Variants in ARMH3 observed in about 807,000 individuals in gnomAD.
The protein encoded by ARMH3 is armadillo-like helical domain-containing protein 3.
ARMH3 carries 60 observed loss-of-function variants against 99.1 expected under a neutral mutation model. That is an observed-to-expected ratio of 0.61 (90% CI 0.49 to 0.75). The LOEUF (loss-of-function observed/expected upper bound fraction) is 0.75. Ranked by LOEUF, ARMH3 falls within the 30% of genes least tolerant of loss-of-function variation. ARMH3 has a pLI of 0.00. For synonymous variants in ARMH3, 285 were observed against 292.8 expected (o/e 0.97, Z 0.27); for missense variants, 679 against 843.1 (o/e 0.81, Z 2.41).
At chr10:101,917,469 T>A (rs1430707376) in intron 23 of ARMH3, among the ~76,000 whole-genome samples, 1 of 152,234 alleles carries the variant, frequency 6.6e-6, no homozygotes, top group Admixed American at 6.5e-5. Flanking sequence ...TTTCATTATA[T>A]AGATGTACCA....
chr10:101,992,937 A>G (rs1366819019), intron 17 of ARMH3, among the ~76,000 whole-genome samples: 7 of 152,130 alleles, frequency 4.6e-5, no homozygotes, highest in Non-Finnish European at 1.0e-4. Flanking sequence ...TGAAAACAAA[A>G]GGCTTAGAAC....
Position 101,912,059 on chromosome 10 carries a change from G to A in ARMH3, c.1782-22569C>T, listed in dbSNP as rs569114817. Reference sequence around the variant, plus strand: ...ACAACAACAACAACAAAAAAGACATGGAATCCAGTATGAATGTACACCCAT... The same window carrying A: ...ACAACAACAACAACAAAAAAGACATAGAATCCAGTATGAATGTACACCCAT... On this transcript the variant is annotated intron_variant, in intron 23 of 25. Coordinates refer to ENST00000370033, the MANE Select transcript of ARMH3 (RefSeq NM_024541.3). 8.6e-5 allele frequency among the ~76,000 whole-genome samples: 13 copies of A among 151,100 alleles called. No homozygotes were observed. In the South Asian group the frequency reaches 2.7e-3, roughly 32 times the overall value.
At chr10:101,946,631 G>C (rs1844545041) in intron 22 of ARMH3, among the ~76,000 whole-genome samples, 1 of 152,160 alleles carries the variant, frequency 6.6e-6, no homozygotes, top group Admixed American at 6.5e-5. Context: ...AGAGACAAAT[G>C]GGGGAGGGGA....
chr10:101,885,554 A>C (rs909584567), intron 24 of ARMH3, among the ~76,000 whole-genome samples: 14 of 152,240 alleles, frequency 9.2e-5, no homozygotes, highest in African/African-American at 3.4e-4. Context: ...GTATGATTCC[A>C]TTAAAGTACC....
At chr10:101,999,411 C>G (rs1220289013) in intron 15 of ARMH3, among the ~76,000 whole-genome samples, 1 of 152,056 alleles carries the variant, frequency 6.6e-6, no homozygotes, top group Non-Finnish European at 1.5e-5. Flanking sequence ...AGGCTGGTCT[C>G]AAAGTCCTGA....
intron 23 of ARMH3, among the ~76,000 whole-genome samples, chr10:101,931,700 T>C (rs779788289): frequency 6.6e-6 from 1 of 152,092 alleles, no homozygotes; most frequent in Admixed American, 6.6e-5. Context: ...GGAGGATCAA[T>C]TGAGCCCAGG....
chr10:101,988,648 C>A (rs1846622401), intron 19 of ARMH3, among the ~76,000 whole-genome samples: 1 of 152,186 alleles, frequency 6.6e-6, no homozygotes, highest in Admixed American at 6.5e-5. Context: ...GAAGGTTGGG[C>A]ACAGTGGCTC....
In ARMH3 at chr10:102,011,707, A is replaced by T; in HGVS notation, c.831+16T>A. 6.3e-7 allele frequency: 1 copy of T among 1,589,830 alleles called. No homozygotes were observed. Among genetic ancestry groups the T allele is most frequent in the Non-Finnish European group, 8.5e-7 (1 of 1,170,268 alleles). On this transcript the variant is annotated intron_variant, in intron 11 of 25. Transcript: ENST00000370033. ...TTTCTGTTTTTTTCAGGAGAAAAAAAAAAAGCAGGACTTACCATATTTGTT... is the reference window on the plus strand; with the variant it reads ...TTTCTGTTTTTTTCAGGAGAAAAAATAAAAGCAGGACTTACCATATTTGTT...
Position 101,946,071 on chromosome 10 carries a change from C to CAAAAAAAAAAAAAAAAA in ARMH3, c.1706-6150_1706-6134dup, listed in dbSNP as rs569179050. Among the ~76,000 whole-genome samples, 15 of 34,488 alleles carry CAAAAAAAAAAAAAAAAA rather than the reference C, an allele frequency of 4.3e-4. 2 individuals carry two copies. The highest frequency in any genetic ancestry group is 2.4e-3 in the African/African-American group (10 of 4,176). The allele number at this position is 34,488 out of a possible 152,430, so 22.6% of individuals were successfully genotyped here. Reference sequence around the variant, plus strand: ...TGGGCGACAGAGTAAGACTCTGCCTCAAAAAAAAAAAAAAAAAAAAAAAAA... The same window carrying CAAAAAAAAAAAAAAAAA: ...TGGGCGACAGAGTAAGACTCTGCCTCAAAAAAAAAAAAAAAAAAAAAAAAAAAAAAAAAAAAAAAAAA... On this transcript the variant is annotated intron_variant, in intron 22 of 25. Transcript: ENST00000370033.
intron 22 of ARMH3, among the ~76,000 whole-genome samples, chr10:101,940,405 A>G (rs1361168625): frequency 6.6e-6 from 1 of 152,050 alleles, no homozygotes; most frequent in Non-Finnish European, 1.5e-5. Flanking sequence ...TCAGTCAAAC[A>G]GGACACATCC....
At chr10:101,931,393 T>G (rs1447229846) in intron 23 of ARMH3, among the ~76,000 whole-genome samples, 1 of 152,022 alleles carries the variant, frequency 6.6e-6, no homozygotes, top group African/African-American at 2.4e-5. Context: ...AGTGTGGTGG[T>G]GGGCACCGAT....
rs141541185 is a variant in ARMH3 at position 101,853,186 on chromosome 10, C to T, written c.1861-3294G>A. Among the ~76,000 whole-genome samples, 16 of 152,112 alleles carry T rather than the reference C, an allele frequency of 1.1e-4. No individual in the cohort carries two copies. The East Asian group carries it at 2.5e-3, about 24-fold the overall frequency. On this transcript the variant is annotated intron_variant, in intron 24 of 25. Transcript: ENST00000370033. ...GATTACAGGCGTGAGTCACAGCGCC[C>T]GGCCTTCCCTGGCCCTTTCTTGTGG...
At chr10:101,867,583 T>C (rs1331956132) in intron 24 of ARMH3, among the ~76,000 whole-genome samples, 1 of 152,070 alleles carries the variant, frequency 6.6e-6, no homozygotes, top group Non-Finnish European at 1.5e-5. Context: ...CTGTAATCCC[T>C]GCACTTTGGG....
intron 22 of ARMH3, among the ~76,000 whole-genome samples, chr10:101,944,596 C>T (rs1844434590): frequency 6.6e-6 from 1 of 151,810 alleles, no homozygotes; most frequent in Non-Finnish European, 1.5e-5. Context: ...GGTGGATCAC[C>T]TGAGGTCAGG....
At chr10:101,956,752 G>A (rs778284189) in intron 21 of ARMH3, 29 bp from the exon 22 acceptor site, 3 of 1,609,012 alleles carry the variant, frequency 1.9e-6, no homozygotes, top group African/African-American at 2.7e-5. Context: ...CCCATATATA[G>A]GCATCAGGCT....
chr10:101,888,558 T>A (rs1483950230), intron 24 of ARMH3, among the ~76,000 whole-genome samples: 2 of 152,242 alleles, frequency 1.3e-5, no homozygotes, highest in Non-Finnish European at 1.5e-5. Flanking sequence ...CATAGCTGGC[T>A]GGCTGGCTCT....
chr10:101,851,606 C>A (rs942077278), intron 24 of ARMH3, among the ~76,000 whole-genome samples: 26 of 152,276 alleles, frequency 1.7e-4, no homozygotes, highest in African/African-American at 6.3e-4. Flanking sequence ...CTGCACCAGT[C>A]CAAATTTGTG....
At chr10:102,013,512 G>A (rs1489670964) in intron 9 of ARMH3, among the ~76,000 whole-genome samples, 1 of 152,156 alleles carries the variant, frequency 6.6e-6, no homozygotes, top group Admixed American at 6.6e-5. Context: ...CCTATATTCA[G>A]AGATCAGATG....
intron 17 of ARMH3, among the ~76,000 whole-genome samples, chr10:101,992,929 A>C (rs1028439772): frequency 2.0e-5 from 3 of 152,174 alleles, no homozygotes; most frequent in African/African-American, 7.2e-5. Flanking sequence ...CTACATTTTG[A>C]AAACAAAAGG....
Sources: gnomAD v4.1 joint callset for allele counts (sites outside exome capture counted in the v4.1 genomes callset) on GRCh38, gnomAD v4.1.1 for gene constraint, MANE v1.5 for transcripts, NCBI Gene and HGNC (gene_info 2026-07-23, HGNC 2026-07-21) for gene names.